Variants in NEDD1 observed in about 807,000 individuals in gnomAD.
NEDD1 encodes the protein protein NEDD1.
In NEDD1, 33 loss-of-function variants were observed where a neutral mutation model predicts 74.0. The ratio of observed to expected loss-of-function variants is 0.45; its 90% CI spans 0.34 to 0.60. NEDD1 has a LOEUF of 0.60. NEDD1 is among the 20% of genes least tolerant of loss of function. The pLI, the probability that NEDD1 is intolerant of heterozygous loss-of-function variation, is 0.01. For missense variants in NEDD1, 746 were observed against 776.5 expected (o/e 0.96, Z 0.47); for synonymous variants, 250 against 264.4 (o/e 0.95, Z 0.53).
intron 4 of NEDD1, among the ~76,000 whole-genome samples, chr12:96,915,615 C>T (rs576762551): frequency 4.3e-4 from 66 of 152,328 alleles, no homozygotes; most frequent in African/African-American, 1.4e-3. Flanking sequence ...CAAGGATGCA[C>T]TGTGGAAGTT....
At chr12:96,945,014 G>A (rs1878057923) in intron 13 of NEDD1, among the ~76,000 whole-genome samples, 2 of 152,056 alleles carry the variant, frequency 1.3e-5, no homozygotes, top group Admixed American at 1.3e-4. Context: ...GTGTGAATTA[G>A]ATTTTCAGTG....
rs114790480 is a variant in NEDD1 at position 96,928,612 on chromosome 12, G to A, written c.490-6364G>A. 5.3e-3 allele frequency among the ~76,000 whole-genome samples: 782 copies of A among 146,992 alleles called. 12 individuals are homozygous for A. Among genetic ancestry groups the A allele is most frequent in the African/African-American group, 0.018 (730 of 39,980 alleles). The stretch of plus-strand genomic sequence containing the variant: ...GAATTTTTTTTTTCTTTAAAGCCAC[G>A]TAATTTTTCTAGAATATGTCTTGAT... On this transcript the variant is annotated intron_variant, in intron 6 of 15. Coordinates refer to ENST00000266742, the MANE Select transcript of NEDD1 (RefSeq NM_152905.4).
intron 5 of NEDD1, 152 bp downstream of exon 5, chr12:96,917,889 G>T: frequency 1.1e-6 from 1 of 899,428 alleles, no homozygotes; most frequent in Non-Finnish European, 1.5e-6. Flanking sequence ...GTGCTATTTA[G>T]CCAAAAACTT....
At chr12:96,948,813 C>CT (rs943560186) in intron 14 of NEDD1, among the ~76,000 whole-genome samples, 6 of 152,116 alleles carry the variant, frequency 3.9e-5, no homozygotes, top group African/African-American at 1.4e-4. Context: ...TATTCACTGT[C>CT]TTTTTTACCT....
chr12:96,924,656 A>G (rs1014577788), intron 6 of NEDD1, among the ~76,000 whole-genome samples: 2 of 152,042 alleles, frequency 1.3e-5, no homozygotes, highest in Non-Finnish European at 2.9e-5. Context: ...TTGTCATTTT[A>G]TCCAAAAATT....
At chr12:96,928,381 G>A (rs1244621261) in intron 6 of NEDD1, among the ~76,000 whole-genome samples, 1 of 151,990 alleles carries the variant, frequency 6.6e-6, no homozygotes, top group East Asian at 1.9e-4. Context: ...TGTTAATATT[G>A]TTTTCATAAG....
In NEDD1 at chr12:96,952,259, C is replaced by T; in HGVS notation, c.*206C>T. 2.9e-6 allele frequency: 1 copy of T among 343,684 alleles called. No homozygotes were observed. Among genetic ancestry groups the T allele is most frequent in the Non-Finnish European group, 5.2e-6 (1 of 192,852 alleles). 21.3% of individuals were successfully genotyped at this position (343,684 alleles called of 1,614,324 possible). On this transcript the variant is annotated 3_prime_UTR_variant, in exon 16 of 16. Coordinates refer to ENST00000266742, the MANE Select transcript of NEDD1 (RefSeq NM_152905.4). The stretch of plus-strand genomic sequence containing the variant: ...TAAAAATTGTACAGTATGTCATCTA[C>T]CCAATAGGAAAGTCAACAGGATCTT...
intron 2 of NEDD1, among the ~76,000 whole-genome samples, chr12:96,909,446 T>C (rs1200477090): frequency 6.6e-6 from 1 of 152,112 alleles, no homozygotes; most frequent in African/African-American, 2.4e-5. Flanking sequence ...ACTTTGCCTT[T>C]GCATGAGGCA....
chr12:96,947,041 A>G (rs971788552), intron 14 of NEDD1, among the ~76,000 whole-genome samples: 2 of 152,132 alleles, frequency 1.3e-5, no homozygotes, highest in African/African-American at 4.8e-5. Context: ...GTATTATTCA[A>G]TAATTATCTA....
chr12:96,917,821 T>C, intron 5 of NEDD1, 84 bp downstream of exon 5: 1 of 1,403,648 alleles, frequency 7.1e-7, no homozygotes, highest in South Asian at 1.6e-5. Context: ...TTTTTGAGCT[T>C]TTATGATAAA....
intron 9 of NEDD1, among the ~76,000 whole-genome samples, chr12:96,938,902 C>T (rs1250501490): frequency 2.6e-5 from 4 of 151,996 alleles, no homozygotes; most frequent in Admixed American, 6.6e-5. Flanking sequence ...TCAGATCTGT[C>T]ACTTCCGGCC....
chr12:96,923,788 T>TTGTGTGTGTGTGTGTGTG (rs10528785), intron 6 of NEDD1, among the ~76,000 whole-genome samples: 72 of 142,358 alleles, frequency 5.1e-4, no homozygotes, highest in East Asian at 8.5e-4. Context: ...TAATACCTGT[T>TTGTGTGTGTGTGTGTGTG]TGTGTGTGTG....
chr12:96,911,218 CT>C (rs1873886715), intron 3 of NEDD1, among the ~76,000 whole-genome samples: 1 of 152,132 alleles, frequency 6.6e-6, no homozygotes, highest in African/African-American at 2.4e-5. Flanking sequence ...TTAATTTTCC[CT>C]CTTACTATAT....
At chr12:96,932,455 AAAAAAAAAATATATAT>A (rs1428821547) in intron 6 of NEDD1, among the ~76,000 whole-genome samples, 631 of 13,832 alleles carry the variant, frequency 0.046, 37 homozygotes, top group South Asian at 0.17. Flanking sequence ...AAAAAAAAAA[AAAAAAAAAATATATAT>A]ATATATATAT....
At chr12:96,933,539 A>G (rs1191038027) in intron 6 of NEDD1, among the ~76,000 whole-genome samples, 1 of 152,170 alleles carries the variant, frequency 6.6e-6, no homozygotes, top group Admixed American at 6.5e-5. Flanking sequence ...TTTTCCCAAC[A>G]AAAATAAAAA....
At chr12:96,943,881 T>C (rs1877925449) in intron 12 of NEDD1, 119 bp downstream of exon 12, 1 of 624,360 alleles carries the variant, frequency 1.6e-6, no homozygotes. Flanking sequence ...TAAGTCTTGA[T>C]GTCAGATTTT....
At chr12:96,923,131 A>G (rs1216410282) in intron 6 of NEDD1, among the ~76,000 whole-genome samples, 2 of 151,322 alleles carry the variant, frequency 1.3e-5, no homozygotes, top group Non-Finnish European at 3.0e-5. Context: ...GAAAAAAAAA[A>G]GCAAGGAATC....
chr12:96,934,817 C>T (rs1217372796), intron 6 of NEDD1, among the ~76,000 whole-genome samples, 159 bp from the exon 7 acceptor site: 9 of 152,256 alleles, frequency 5.9e-5, no homozygotes, highest in African/African-American at 1.7e-4. Context: ...GGATTACAGG[C>T]GTGAGCCACC....
rs565143896 is a variant in NEDD1, at chr12:96,921,243, G to C, written c.489+1118G>C. Among the ~76,000 whole-genome samples the C allele has an allele frequency of 5.9e-5, 9 of 152,222 alleles. 1 individual carries two copies. The South Asian group carries it at 1.7e-3, about 28-fold the overall frequency. ...GCTGCCCAGGCTAGAGTATAGTGGC[G>C]CAATCTCAGCTCACTGCAACCACTG... On this transcript the variant is annotated intron_variant, in intron 6 of 15. Transcript: ENST00000266742.
Sources: gnomAD v4.1 joint callset for allele counts (sites outside exome capture counted in the v4.1 genomes callset) on GRCh38, gnomAD v4.1.1 for gene constraint, MANE v1.5 for transcripts, NCBI Gene and HGNC (gene_info 2026-07-23, HGNC 2026-07-21) for gene names.